Variants in NTRK2 observed in about 807,000 individuals in gnomAD.
NTRK2 encodes BDNF/NT-3 growth factors receptor.
Under a neutral mutation model 94.5 loss-of-function variants are expected in NTRK2, and 13 were observed. That is an observed-to-expected ratio of 0.14 (90% CI 0.09 to 0.22). The LOEUF (loss-of-function observed/expected upper bound fraction) is 0.22. NTRK2 is among the 10% of genes least tolerant of loss of function. The pLI, the probability that NTRK2 is intolerant of heterozygous loss-of-function variation, is 1.00. For missense variants in NTRK2, 639 were observed against 1,071.2 expected, an observed-to-expected ratio of 0.60 and a Z score of 5.63; for synonymous variants, 372 against 407.4, an observed-to-expected ratio of 0.91 and a Z score of 1.05.
intron 2 of NTRK2, among the ~76,000 whole-genome samples, chr9:84,675,785 T>C (rs990200299): frequency 1.3e-5 from 2 of 152,198 alleles, no homozygotes; most frequent in African/African-American, 4.8e-5. Flanking sequence ...AAGCCTCAAA[T>C]GGCAAAGATC....
In NTRK2 at chr9:84,949,125, G is replaced by C. The variant is rs547775664; in HGVS notation, c.1937+491G>C. On this transcript the variant is annotated intron_variant, in intron 16 of 18. Coordinates refer to ENST00000277120, the MANE Select transcript of NTRK2 (RefSeq NM_006180.6). ...GAGTCAAGGCTGAAAGGGTGGGGCA[G>C]GTGCTTGGACTTTATCCTAAGGACA... Among the ~76,000 whole-genome samples the C allele has an allele frequency of 5.3e-5, 8 of 152,318 alleles. No individual in the cohort carries two copies. In the East Asian group the frequency reaches 1.5e-3, roughly 29 times the overall value.
chr9:84,811,345 C>A (rs757915117), intron 12 of NTRK2: 27 of 1,065,992 alleles, frequency 2.5e-5, no homozygotes, highest in Non-Finnish European at 3.1e-5. Flanking sequence ...AAAACAAGAA[C>A]AAGCAGCAAC....
At chr9:84,769,383 GAATGATCACCTGAA>G (rs999543510) in intron 12 of NTRK2, among the ~76,000 whole-genome samples, 2 of 152,146 alleles carry the variant, frequency 1.3e-5, no homozygotes, top group Non-Finnish European at 2.9e-5. Flanking sequence ...TTGAGTCCCT[GAATGATCACCTGAA>G]GTTAAGCCAG....
chr9:84,965,774 A>G (rs573551310), intron 17 of NTRK2, among the ~76,000 whole-genome samples: 1 of 152,314 alleles, frequency 6.6e-6, no homozygotes, highest in South Asian at 2.1e-4. Context: ...GATGCTCTTC[A>G]AAGTAGTGGG....
At chr9:84,720,822 G>T (rs543457428) in intron 6 of NTRK2, among the ~76,000 whole-genome samples, 9 of 152,110 alleles carry the variant, frequency 5.9e-5, no homozygotes, top group Non-Finnish European at 1.2e-4. Context: ...ACAAAAGAAG[G>T]GCCTTGGGAA....
intron 17 of NTRK2, among the ~76,000 whole-genome samples, chr9:85,013,216 A>G (rs1831826275): frequency 2.0e-5 from 3 of 152,200 alleles, no homozygotes; most frequent in Admixed American, 2.0e-4. Flanking sequence ...CACTCTTTGT[A>G]GTAGGAGAAT....
intron 14 of NTRK2, chr9:84,873,835 C>T (rs756767628): frequency 7.8e-5 from 82 of 1,057,842 alleles, no homozygotes; most frequent in Non-Finnish European, 9.4e-5. Flanking sequence ...CTAGAGGAAA[C>T]ACTCCAGTCC....
intron 14 of NTRK2, among the ~76,000 whole-genome samples, chr9:84,892,765 T>C (rs796367689): frequency 2.6e-5 from 4 of 152,140 alleles, no homozygotes; most frequent in East Asian, 1.9e-4. Flanking sequence ...TACTAAAAAA[T>C]ACAAAAATTA....
chr9:84,757,104 G>C (rs912475767), intron 12 of NTRK2, among the ~76,000 whole-genome samples: 1 of 152,182 alleles, frequency 6.6e-6, no homozygotes, highest in Non-Finnish European at 1.5e-5. Context: ...AAACACAGTT[G>C]TAGAAACATC....
At chr9:84,719,212 G>T (rs897112562) in intron 6 of NTRK2, among the ~76,000 whole-genome samples, 2 of 151,914 alleles carry the variant, frequency 1.3e-5, no homozygotes. Context: ...ATATGTACTC[G>T]GACAATGTTG....
chr9:84,998,249 G>A (rs1829980074), intron 17 of NTRK2, among the ~76,000 whole-genome samples: 1 of 152,146 alleles, frequency 6.6e-6, no homozygotes, highest in Non-Finnish European at 1.5e-5. Context: ...AGTGGCTAGT[G>A]TAGTAGCTCC....
chr9:84,902,244 T>G (rs1187573635), intron 14 of NTRK2, among the ~76,000 whole-genome samples: 1 of 151,630 alleles, frequency 6.6e-6, no homozygotes, highest in Non-Finnish European at 1.5e-5. Flanking sequence ...CCATCAATAC[T>G]ATTGGTGTTT....
chr9:84,916,032 C>G (rs752579138), intron 14 of NTRK2, among the ~76,000 whole-genome samples: 7 of 151,964 alleles, frequency 4.6e-5, no homozygotes, highest in Non-Finnish European at 8.8e-5. Context: ...GGGGAGCTCA[C>G]CTGGCTAAAA....
intron 17 of NTRK2, among the ~76,000 whole-genome samples, chr9:85,012,138 G>C (rs1311495189): frequency 2.0e-5 from 3 of 151,800 alleles, no homozygotes; most frequent in Non-Finnish European, 4.4e-5. Context: ...ACAGGTGTGT[G>C]CCACTGCGCC....
chr9:84,689,513 C>T (rs571530721), intron 2 of NTRK2, among the ~76,000 whole-genome samples: 1 of 152,128 alleles, frequency 6.6e-6, no homozygotes, highest in East Asian at 1.9e-4. Context: ...GTCATTTTCT[C>T]TTTTATTTTT....
chr9:84,765,333 C>T (rs979011439), intron 12 of NTRK2, among the ~76,000 whole-genome samples: 11 of 152,160 alleles, frequency 7.2e-5, no homozygotes, highest in African/African-American at 2.7e-4. Context: ...TGTACACCCA[C>T]TATATGCCCA....
At chr9:84,765,937 AATTTC>A (rs1475456413) in intron 12 of NTRK2, among the ~76,000 whole-genome samples, 1 of 152,268 alleles carries the variant, frequency 6.6e-6, no homozygotes, top group African/African-American at 2.4e-5. Context: ...TGGTTTAAAC[AATTTC>A]ATTTCAACTT....
At chr9:84,795,067 A>G (rs1036224047) in intron 12 of NTRK2, among the ~76,000 whole-genome samples, 2 of 152,150 alleles carry the variant, frequency 1.3e-5, no homozygotes, top group Non-Finnish European at 1.5e-5. Flanking sequence ...AGAGAGCTTC[A>G]TGTAGTCGTT....
intron 14 of NTRK2, among the ~76,000 whole-genome samples, chr9:84,917,568 G>T (rs2077431912): frequency 6.6e-6 from 1 of 152,162 alleles, no homozygotes; most frequent in African/African-American, 2.4e-5. Context: ...TGACTCAAGT[G>T]TTCTTGCCTA....
Sources: allele counts gnomAD v4.1 joint callset (sites outside exome capture counted in the v4.1 genomes callset), GRCh38; gene constraint gnomAD v4.1.1; transcripts MANE v1.5; gene names NCBI Gene and HGNC (gene_info 2026-07-23, HGNC 2026-07-21).